Variants in ST6GALNAC3 observed in about 807,000 individuals in gnomAD.
The protein encoded by ST6GALNAC3 is alpha-N-acetylgalactosaminide alpha-2,6-sialyltransferase 3.
ST6GALNAC3 carries 25 observed loss-of-function variants against 32.7 expected under a neutral mutation model. That is an observed-to-expected ratio of 0.76 (90% CI 0.56 to 1.07). The LOEUF (loss-of-function observed/expected upper bound fraction) is 1.07. Among genes scored for constraint, ST6GALNAC3 ranks in the 50% least tolerant of loss-of-function variants. The pLI is 0.00. For synonymous variants in ST6GALNAC3, 129 were observed against 133.1 expected, an observed-to-expected ratio of 0.97 and a Z score of 0.21; for missense variants, 355 against 382.4, an observed-to-expected ratio of 0.93 and a Z score of 0.60.
intron 1 of ST6GALNAC3, among the ~76,000 whole-genome samples, chr1:76,300,997 T>TA (rs995875905): frequency 6.6e-6 from 1 of 151,898 alleles, no homozygotes; most frequent in Non-Finnish European, 1.5e-5. Context: ...GATATGTGGA[T>TA]AAAAAAAGGA....
chr1:76,588,262 GT>G (rs879673499), intron 3 of ST6GALNAC3, among the ~76,000 whole-genome samples: 63 of 148,232 alleles, frequency 4.3e-4, no homozygotes, highest in Middle Eastern at 3.5e-3. Flanking sequence ...ATTCTACCTA[GT>G]TTTTTTTTTA....
At chr1:76,540,122 A>T (rs1279203189) in intron 3 of ST6GALNAC3, among the ~76,000 whole-genome samples, 1 of 152,182 alleles carries the variant, frequency 6.6e-6, no homozygotes, top group Non-Finnish European at 1.5e-5. Flanking sequence ...TCCATCAGTG[A>T]TAGACTGGAT....
At chr1:76,279,939 G>A (rs1015519765) in intron 1 of ST6GALNAC3, among the ~76,000 whole-genome samples, 12 of 151,904 alleles carry the variant, frequency 7.9e-5, no homozygotes, top group African/African-American at 2.7e-4. Context: ...TAAAGAGTTC[G>A]GGAGAAAGTG....
At chr1:76,422,985 C>T (rs1315294063) in intron 3 of ST6GALNAC3, among the ~76,000 whole-genome samples, 1 of 151,966 alleles carries the variant, frequency 6.6e-6, no homozygotes, top group African/African-American at 2.4e-5. Context: ...GGGAGTGATG[C>T]TTCATCATTC....
chr1:76,520,327 G>A (rs948089057), intron 3 of ST6GALNAC3, among the ~76,000 whole-genome samples: 1 of 152,092 alleles, frequency 6.6e-6, no homozygotes, highest in Non-Finnish European at 1.5e-5. Context: ...TCTTGTATTG[G>A]CACAGGAGAC....
chr1:76,329,146 CA>C (rs1557792021), intron 2 of ST6GALNAC3, among the ~76,000 whole-genome samples: 1 of 152,086 alleles, frequency 6.6e-6, no homozygotes, highest in South Asian at 2.1e-4. Flanking sequence ...TTTATGCAGA[CA>C]AAAACACAGG....
Position 76,629,852 on chromosome 1 carries a change from C to T in ST6GALNAC3, c.*1046C>T. The T allele has an allele frequency of 1.0e-6, 1 of 983,294 alleles. No individual in the cohort carries two copies. The highest frequency in any genetic ancestry group is 1.1e-4 in the East Asian group (1 of 8,808). 60.9% of individuals were successfully genotyped at this position (983,294 alleles called of 1,614,324 possible). A position where few individuals can be genotyped will look rare whatever the true frequency, so the allele number is the denominator to read the frequency against. On this transcript the variant is annotated 3_prime_UTR_variant, in exon 5 of 5. Transcript: ENST00000328299. ...CCAAGGTGTGTTTCTCCAAACATTA[C>T]ATTCTCATTGCCAAGTGCCAGCTGT...
chr1:76,311,969 C>T (rs984220124), intron 1 of ST6GALNAC3, among the ~76,000 whole-genome samples: 1 of 152,126 alleles, frequency 6.6e-6, no homozygotes, highest in African/African-American at 2.4e-5. Context: ...TAATGATTAC[C>T]ATTCTAACTG....
chr1:76,462,808 C>T (rs980559805), intron 3 of ST6GALNAC3, among the ~76,000 whole-genome samples: 2 of 152,124 alleles, frequency 1.3e-5, no homozygotes, highest in African/African-American at 4.8e-5. Context: ...TTAAGAAGGC[C>T]AAATGCTGCA....
chr1:76,156,035 A>G (rs973653723), intron 1 of ST6GALNAC3, among the ~76,000 whole-genome samples: 2 of 152,112 alleles, frequency 1.3e-5, no homozygotes, highest in African/African-American at 4.8e-5. Flanking sequence ...CTTGTTTTTA[A>G]TGACCTTGAC....
chr1:76,114,751 A>T lies in ST6GALNAC3; in HGVS notation c.18+39867A>T, dbSNP rs905538846. On this transcript the variant is annotated intron_variant, in intron 1 of 4. Coordinates refer to ENST00000328299, the MANE Select transcript of ST6GALNAC3 (RefSeq NM_152996.4). The stretch of plus-strand genomic sequence containing the variant: ...TGGTGAAACCCCATCTGTACTAAAA[A>T]TACAGAAATTAGCCAGGCATGGTGG... Among the ~76,000 whole-genome samples, 4 of 152,150 alleles carry T rather than the reference A, an allele frequency of 2.6e-5. No individual in the cohort carries two copies. In the East Asian group the frequency reaches 5.8e-4, roughly 22 times the overall value.
At chr1:76,471,661 T>A (rs1205392115) in intron 3 of ST6GALNAC3, among the ~76,000 whole-genome samples, 1 of 152,164 alleles carries the variant, frequency 6.6e-6, no homozygotes, top group Non-Finnish European at 1.5e-5. Context: ...ATATATGTGT[T>A]AGGCATTCAA....
In ST6GALNAC3 at chr1:76,329,649, A is replaced by G. The variant is rs1054279521; in HGVS notation, c.213+15650A>G. ...TTAGCAGTCACGGCTCTCTCTCATGAGTCCTTTTAACACTTTAATAATAAC... is the reference window on the plus strand; with the variant it reads ...TTAGCAGTCACGGCTCTCTCTCATGGGTCCTTTTAACACTTTAATAATAAC... On this transcript the variant is annotated intron_variant, in intron 2 of 4. Coordinates refer to ENST00000328299, the MANE Select transcript of ST6GALNAC3 (RefSeq NM_152996.4). Among the ~76,000 whole-genome samples the G allele has an allele frequency of 2.0e-5, 3 of 152,056 alleles. No individual in the cohort carries two copies. In the East Asian group the frequency reaches 5.8e-4, roughly 29 times the overall value.
At chr1:76,490,365 G>A (rs1011406586) in intron 3 of ST6GALNAC3, among the ~76,000 whole-genome samples, 2 of 151,596 alleles carry the variant, frequency 1.3e-5, no homozygotes, top group African/African-American at 4.8e-5. Context: ...GTTGGCCTTG[G>A]AAATTTCCAT....
At chr1:76,345,606 G>A (rs190689019) in intron 2 of ST6GALNAC3, among the ~76,000 whole-genome samples, 2 of 152,240 alleles carry the variant, frequency 1.3e-5, no homozygotes, top group Non-Finnish European at 2.9e-5. Context: ...TTAGTAAACA[G>A]TATGCTAAGA....
At chr1:76,607,593 T>C (rs1415811381) in intron 3 of ST6GALNAC3, among the ~76,000 whole-genome samples, 1 of 152,206 alleles carries the variant, frequency 6.6e-6, no homozygotes, top group African/African-American at 2.4e-5. Context: ...GATGTTCCTA[T>C]CGTCCCTATC....
intron 3 of ST6GALNAC3, among the ~76,000 whole-genome samples, chr1:76,419,622 A>G (rs538972915): frequency 1.3e-5 from 2 of 152,244 alleles, no homozygotes; most frequent in East Asian, 3.9e-4. Flanking sequence ...TCTTTAAAAC[A>G]TATGAGCCAG....
intron 3 of ST6GALNAC3, among the ~76,000 whole-genome samples, chr1:76,512,734 C>G (rs1661943199): frequency 6.6e-6 from 1 of 152,138 alleles, no homozygotes; most frequent in African/African-American, 2.4e-5. Context: ...TTGCTCCTCT[C>G]CCTAATCTCT....
intron 3 of ST6GALNAC3, among the ~76,000 whole-genome samples, chr1:76,527,606 G>A (rs557993772): frequency 1.5e-4 from 23 of 152,172 alleles, no homozygotes; most frequent in African/African-American, 5.5e-4. Context: ...ATGCTAATAG[G>A]CAATCAGAGA....
Sources: allele counts gnomAD v4.1 joint callset (sites outside exome capture counted in the v4.1 genomes callset), GRCh38; gene constraint gnomAD v4.1.1; transcripts MANE v1.5; gene names NCBI Gene and HGNC (gene_info 2026-07-23, HGNC 2026-07-21).